Variants in GFM1 observed in about 807,000 individuals in gnomAD.
GFM1 encodes the protein elongation factor G, mitochondrial.
In GFM1, 62 loss-of-function variants were observed where a neutral mutation model predicts 96.2. The ratio of observed to expected loss-of-function variants is 0.64; its 90% CI spans 0.53 to 0.80. The LOEUF (loss-of-function observed/expected upper bound fraction) is 0.80, where lower values mean the gene tolerates loss of function less well. Ranked by LOEUF, GFM1 falls within the 30% of genes least tolerant of loss-of-function variation. The probability of loss-of-function intolerance (pLI) is 0.00; values close to 1 mark genes in which losing one functional copy is unlikely to be tolerated. For synonymous variants in GFM1, 282 were observed against 312.9 expected (o/e 0.90, Z 1.04); for missense variants, 852 against 916.6 (o/e 0.93, Z 0.91).
chr3:158,684,642 G>C lies in GFM1; in HGVS notation c.1883G>C (p.Arg628Pro). Residue 628 changes from arginine to proline, a missense_variant, in exon 15 of 18, where the codon CGA becomes CCA. Transcript: ENST00000486715. ...GATTCTAATGAAATCTCTTTCATCC[G>C]AGCAGGAGAAGGTGCTCTTAAACAA... is the stretch of plus-strand genomic sequence containing the variant. ...MVDSNEISFI[R>P]AGEGALKQAL... 5 of 1,614,048 alleles carry C rather than the reference G, an allele frequency of 3.1e-6. No individual in the cohort carries two copies. Among genetic ancestry groups the C allele is most frequent in the East Asian group, 2.2e-5 (1 of 44,872 alleles).
At chr3:158,646,084 CTG>C (rs1721769147) in intron 2 of GFM1, 79 bp from the exon 3 acceptor site, 1 of 1,555,838 alleles carries the variant, frequency 6.4e-7, no homozygotes, top group Middle Eastern at 1.7e-4. Context: ...CACCTGGCAA[CTG>C]TTTCCATTTC....
At chr3:158,664,313 A>C (rs1408404669) in intron 11 of GFM1, among the ~76,000 whole-genome samples, 2 of 152,230 alleles carry the variant, frequency 1.3e-5, no homozygotes, top group Admixed American at 1.3e-4. Context: ...AGCTGTTCTC[A>C]AAGGGCTAAA....
Position 158,682,107 on chromosome 3 carries a change from G to A in GFM1, c.1714G>A (p.Glu572Lys), listed in dbSNP as rs750071629. ...EDYTKLEFSD[E>K]TFGSNIPKQF... ...CTACACTAAATTGGAATTTTCAGAT[G>A]AAACATTCGGATCAAATATTCCAAA... The change falls in exon 14 of 18, where the codon GAA becomes AAA. Residue 572 changes from glutamate (E) to lysine (K), a missense_variant. Physicochemically the swap from Glu to Lys is moderately conservative, Grantham distance 56. Coordinates refer to ENST00000486715, the MANE Select transcript of GFM1 (RefSeq NM_024996.7). The A allele has an allele frequency of 3.1e-6, 5 of 1,613,740 alleles. No homozygotes were observed. The South Asian group carries it at 5.5e-5, about 18-fold the overall frequency.
At chr3:158,680,944 A>G (rs1481392736) in intron 13 of GFM1, among the ~76,000 whole-genome samples, 1 of 152,204 alleles carries the variant, frequency 6.6e-6, no homozygotes, top group Non-Finnish European at 1.5e-5. Flanking sequence ...AGTTATTACC[A>G]TATAGACATC....
Position 158,672,427 on chromosome 3 carries a change from G to C in GFM1, c.1601+6041G>C, listed in dbSNP as rs917308119. On this transcript the variant is annotated intron_variant, in intron 13 of 17. Coordinates refer to ENST00000486715, the MANE Select transcript of GFM1 (RefSeq NM_024996.7). Reference sequence around the variant, plus strand: ...CCCTGCTGGTAGTTGATGTAGTTCTGTGCCACCAAGGCCGCCCTGGAGGCT... The same window carrying C: ...CCCTGCTGGTAGTTGATGTAGTTCTCTGCCACCAAGGCCGCCCTGGAGGCT... 1 of 1,614,070 alleles carries C rather than the reference G, an allele frequency of 6.2e-7. No individual in the cohort carries two copies. Among genetic ancestry groups the C allele is most frequent in the African/African-American group, 1.3e-5 (1 of 75,020 alleles).
chr3:158,659,004 C>T lies in GFM1; in HGVS notation c.1166C>T (p.Thr389Ile). Residue 389 changes from threonine to isoleucine, a missense_variant, in exon 9 of 18, where the codon ACA (threonine) becomes ATA (isoleucine). Thr to Ile is a moderately conservative substitution (Grantham distance 89, BLOSUM62 -1). Transcript: ENST00000486715. Reference sequence around the variant, plus strand: ...GGTGACACCATCTATAACACAAGGACAAGAAAGAAAGTACGGTTGCAACGG... The same window carrying T: ...GGTGACACCATCTATAACACAAGGATAAGAAAGAAAGTACGGTTGCAACGG... ...KKGDTIYNTR[T>I]RKKVRLQRLA... The T allele has an allele frequency of 6.2e-7, 1 of 1,614,136 alleles. No homozygotes were observed. The highest frequency in any genetic ancestry group is 8.5e-7 in the Non-Finnish European group (1 of 1,180,024).
intron 14 of GFM1, among the ~76,000 whole-genome samples, chr3:158,683,537 T>C (rs1725583034): frequency 6.6e-6 from 1 of 152,266 alleles, no homozygotes; most frequent in Non-Finnish European, 1.5e-5. Context: ...TCTTTAATTC[T>C]AGTTCTTACT....
At chr3:158,658,169 T>C (rs1722918464) in intron 8 of GFM1, among the ~76,000 whole-genome samples, 1 of 145,176 alleles carries the variant, frequency 6.9e-6, no homozygotes, top group Non-Finnish European at 1.5e-5. Context: ...TTTTTTTTTT[T>C]TTTTTTTTTT....
At chr3:158,676,428 A>G (rs887805199) in intron 13 of GFM1, among the ~76,000 whole-genome samples, 2 of 152,182 alleles carry the variant, frequency 1.3e-5, no homozygotes, top group African/African-American at 4.8e-5. Context: ...ATATATGTAC[A>G]CACAAGATAT....
chr3:158,692,656 C>G lies in GFM1; in HGVS notation c.*1189C>G, dbSNP rs1232928542. ...AAAGATCTTTAAAAAGTATTGAGCA[C>G]ATGTTTTCAAGGCATTTGCTAAATA... On this transcript the variant is annotated 3_prime_UTR_variant, in exon 18 of 18. Transcript: ENST00000486715. 1 of 151,352 alleles carries G rather than the reference C, an allele frequency of 6.6e-6. No individual in the cohort carries two copies. Among genetic ancestry groups the G allele is most frequent in the African/African-American group, 2.4e-5 (1 of 41,244 alleles). The allele number at this position is 151,352 out of a possible 1,614,324, so 9.4% of individuals were successfully genotyped here.
intron 8 of GFM1, among the ~76,000 whole-genome samples, chr3:158,658,408 G>A (rs902259929): frequency 6.6e-6 from 1 of 151,910 alleles, no homozygotes; most frequent in Non-Finnish European, 1.5e-5. Flanking sequence ...CAGGTGATCC[G>A]CTCGCCTCTG....
chr3:158,649,469 C>A, intron 5 of GFM1: 1 of 257,822 alleles, frequency 3.9e-6, no homozygotes, highest in Non-Finnish European at 7.5e-6. Context: ...TCTTTTTGCA[C>A]TTGTTCATTT....
In GFM1 at chr3:158,652,227, C is replaced by T; in HGVS notation, c.821C>T (p.Pro274Leu). 6.2e-7 allele frequency: 1 copy of T among 1,614,058 alleles called. No homozygotes were observed. The highest frequency in any genetic ancestry group is 2.2e-5 in the East Asian group (1 of 44,880). ...LGEMFLEEKI[P>L]SISDLKLAIR... ...GAGATGTTTCTGGAAGAAAAAATCCCCTCGATTTCTGATTTAAAGGCAAGT... is the reference window on the plus strand; with the variant it reads ...GAGATGTTTCTGGAAGAAAAAATCCTCTCGATTTCTGATTTAAAGGCAAGT... Residue 274 changes from proline to leucine, a missense_variant, in exon 6 of 18, where the codon CCC (proline) becomes CTC (leucine). Pro to Leu is a moderately conservative substitution (Grantham distance 98). Transcript: ENST00000486715.
chr3:158,687,078 C>G (rs1243901099), intron 15 of GFM1, among the ~76,000 whole-genome samples: 1 of 152,086 alleles, frequency 6.6e-6, no homozygotes, highest in South Asian at 2.1e-4. Flanking sequence ...TCTTGACTTA[C>G]TGCAACCTCG....
In GFM1 at chr3:158,686,627, T is replaced by C. The variant is rs539895719; in HGVS notation, c.1909+1959T>C. Among the ~76,000 whole-genome samples the C allele has an allele frequency of 4.3e-5, 6 of 140,446 alleles. No homozygotes were observed. The South Asian group carries it at 1.3e-3, about 32-fold the overall frequency. 92.1% of individuals were successfully genotyped at this position (140,446 alleles called of 152,430 possible). ...ACAGTTGAATATGTACCATTTAGTTTTTTATTATTTAGGTATAGTATATAT... is the reference window on the plus strand; with the variant it reads ...ACAGTTGAATATGTACCATTTAGTTCTTTATTATTTAGGTATAGTATATAT... On this transcript the variant is annotated intron_variant, in intron 15 of 17. Transcript: ENST00000486715.
At chr3:158,664,054 C>G (rs1723410295) in intron 11 of GFM1, among the ~76,000 whole-genome samples, 2 of 152,142 alleles carry the variant, frequency 1.3e-5, no homozygotes, top group South Asian at 4.1e-4. Context: ...AATCACTTAA[C>G]CTCTCTGTAC....
chr3:158,685,846 T>A (rs946099028), intron 15 of GFM1, among the ~76,000 whole-genome samples: 1 of 152,218 alleles, frequency 6.6e-6, no homozygotes, highest in Non-Finnish European at 1.5e-5. Flanking sequence ...CTCTGTGTGT[T>A]TACCACTTTA....
chr3:158,644,834 A>T (rs1291657277), intron 1 of GFM1, 119 bp downstream of exon 1: 6 of 845,732 alleles, frequency 7.1e-6, no homozygotes, highest in Non-Finnish European at 1.2e-5. Flanking sequence ...GAATACTGGC[A>T]GTCGCTCGTC....
intron 13 of GFM1, chr3:158,670,992 G>A (rs776106409): frequency 5.2e-6 from 8 of 1,533,596 alleles, no homozygotes; most frequent in Middle Eastern, 1.7e-4. Flanking sequence ...AATTTAAGGT[G>A]ATACTTATGT....
Sources: gnomAD v4.1 joint callset for allele counts (sites outside exome capture counted in the v4.1 genomes callset) on GRCh38, gnomAD v4.1.1 for gene constraint, MANE v1.5 for transcripts, NCBI Gene and HGNC (gene_info 2026-07-23, HGNC 2026-07-21) for gene names.